GALNT6: variants seen among roughly 807,000 people sequenced by gnomAD.
GALNT6 encodes the protein polypeptide N-acetylgalactosaminyltransferase 6.
GALNT6 carries 51 observed loss-of-function variants against 65.9 expected under a neutral mutation model. The ratio of observed to expected loss-of-function variants is 0.77; its 90% CI spans 0.62 to 0.98. The LOEUF is 0.98. Ranked by LOEUF, GALNT6 falls within the 50% of genes least tolerant of loss-of-function variation. The pLI is 0.00. For missense variants in GALNT6, 708 were observed against 803.3 expected (o/e 0.88, Z 1.43); for synonymous variants, 323 against 315.1 (o/e 1.02, Z -0.26).
Position 51,387,259 on chromosome 12 carries a change from G to A in GALNT6, c.-104+3591C>T, listed in dbSNP as rs772001818. On this transcript the variant is annotated intron_variant, in intron 2 of 11. Transcript: ENST00000356317. This position sits in a 1 kb window ranked among gnomAD's most constrained non-coding sequence, Gnocchi z 4.2. ...ATTACAGGCGCCCGCCACCACGTCC[G>A]GCTAATTTTTGTATTTTTTTAGTAG... Among the ~76,000 whole-genome samples the A allele has an allele frequency of 3.3e-4, 50 of 152,140 alleles. No individual in the cohort carries two copies. Among genetic ancestry groups the A allele is most frequent in the Non-Finnish European group, 6.3e-4 (43 of 68,000 alleles).
In GALNT6 at chr12:51,376,626, T is replaced by A. The variant is rs1430606000; in HGVS notation, c.664+569A>T. On this transcript the variant is annotated intron_variant, in intron 4 of 11. Coordinates refer to ENST00000356317, the MANE Select transcript of GALNT6 (RefSeq NM_007210.4). ...CCAGCCTGGGCAACAAGAGCGAAACTCCATCTCAAAAAAAAAAAAAAAAAA... is the reference window on the plus strand; with the variant it reads ...CCAGCCTGGGCAACAAGAGCGAAACACCATCTCAAAAAAAAAAAAAAAAAA... Among the ~76,000 whole-genome samples the A allele has an allele frequency of 1.0e-4, 9 of 87,350 alleles. No homozygotes were observed. In the Admixed American group the frequency reaches 1.3e-3, roughly 13 times the overall value. The allele number at this position is 87,350 out of a possible 152,430, so 57.3% of individuals were successfully genotyped here. A position where few individuals can be genotyped will look rare whatever the true frequency, so the allele number is the denominator to read the frequency against.
At chr12:51,360,655 G>T in intron 7 of GALNT6, 66 bp downstream of exon 7, 1 of 933,314 alleles carries the variant, frequency 1.1e-6, no homozygotes, top group Non-Finnish European at 1.8e-6. Context: ...ACCTCTGCCT[G>T]AGAGATGTTT....
intron 10 of GALNT6, 55 bp from the exon 11 acceptor site, chr12:51,356,013 C>T (rs1357547818): frequency 4.5e-6 from 7 of 1,562,686 alleles, no homozygotes; most frequent in Non-Finnish European, 6.2e-6. Flanking sequence ...CCTTCCAAAG[C>T]CACCTGCCCT....
chr12:51,367,579 C>A (rs1456911638), intron 4 of GALNT6, among the ~76,000 whole-genome samples: 1 of 152,212 alleles, frequency 6.6e-6, no homozygotes, highest in South Asian at 2.1e-4. Context: ...GAGTTGCCTG[C>A]AGTTTCAGAT....
At chr12:51,366,856 G>A (rs1247528879) in intron 4 of GALNT6, among the ~76,000 whole-genome samples, 3 of 152,208 alleles carry the variant, frequency 2.0e-5, no homozygotes, top group Non-Finnish European at 2.9e-5. Flanking sequence ...GGCTGGGCAC[G>A]GTGGCTCACT....
intron 4 of GALNT6, among the ~76,000 whole-genome samples, chr12:51,368,467 C>T (rs1291795161): frequency 2.0e-5 from 3 of 149,270 alleles, no homozygotes; most frequent in South Asian, 2.1e-4. Flanking sequence ...TGCAGTGGTG[C>T]AATCTCGACT....
intron 2 of GALNT6, among the ~76,000 whole-genome samples, chr12:51,389,861 T>C (rs2137849034): frequency 6.6e-6 from 1 of 152,352 alleles, no homozygotes; most frequent in Admixed American, 6.5e-5. Context: ...TGCCCTGAGT[T>C]CTTCCATGCT....
At chr12:51,389,444 T>G (rs1947948857) in intron 2 of GALNT6, among the ~76,000 whole-genome samples, 1 of 152,210 alleles carries the variant, frequency 6.6e-6, no homozygotes, top group Admixed American at 6.5e-5. Flanking sequence ...AGAGGCAGAA[T>G]TTGCATTCAG....
In GALNT6 at chr12:51,352,374, T is replaced by G. The variant is rs570910546; in HGVS notation, c.*2005A>C. The G allele has an allele frequency of 1.3e-5, 2 of 152,316 alleles. No homozygotes were observed. The highest frequency in any genetic ancestry group is 1.3e-4 in the Admixed American group (2 of 15,294). 9.4% of individuals were successfully genotyped at this position (152,316 alleles called of 1,614,324 possible). On this transcript the variant is annotated 3_prime_UTR_variant, in exon 12 of 12. Coordinates refer to ENST00000356317, the MANE Select transcript of GALNT6 (RefSeq NM_007210.4). ...GCTACTGATACCTTGCTGGGTGACCTTGGACAGATTCACTTACCTGGACTC... is the reference window on the plus strand; with the variant it reads ...GCTACTGATACCTTGCTGGGTGACCGTGGACAGATTCACTTACCTGGACTC...
chr12:51,352,661 TG>T lies in GALNT6; in HGVS notation c.*1717del. ...GTGTGCTCTCTCCACAATGGCTACC[TG>T]GCCCTGTTTTTCCTTTCTTTTTTTT... is the stretch of plus-strand genomic sequence containing the variant. On this transcript the variant is annotated 3_prime_UTR_variant, in exon 12 of 12. Coordinates refer to ENST00000356317, the MANE Select transcript of GALNT6 (RefSeq NM_007210.4). The T allele has an allele frequency of 6.6e-6, 1 of 152,320 alleles. No individual in the cohort carries two copies. The highest frequency in any genetic ancestry group is 2.4e-5 in the African/African-American group (1 of 41,560). 9.4% of individuals were successfully genotyped at this position (152,320 alleles called of 1,614,324 possible).
intron 2 of GALNT6, among the ~76,000 whole-genome samples, chr12:51,380,906 G>T (rs1267727470): frequency 6.6e-6 from 1 of 152,188 alleles, no homozygotes; most frequent in African/African-American, 2.4e-5. Context: ...TCTCAAAGTG[G>T]ATGGCGGCTG....
intron 2 of GALNT6, among the ~76,000 whole-genome samples, chr12:51,385,192 C>T (rs967842826): frequency 5.3e-5 from 8 of 152,054 alleles, no homozygotes; most frequent in Non-Finnish European, 1.0e-4. Flanking sequence ...TCTCACTATG[C>T]TGCCCAGGCT....
intron 2 of GALNT6, among the ~76,000 whole-genome samples, chr12:51,381,238 T>TA (rs1359030421): frequency 6.6e-6 from 1 of 152,150 alleles, no homozygotes; most frequent in African/African-American, 2.4e-5. Flanking sequence ...ATTCTGTCTT[T>TA]AAAAATAAAT....
intron 5 of GALNT6, 49 bp downstream of exon 5, chr12:51,365,381 C>T (rs1345245907): frequency 6.5e-7 from 1 of 1,549,434 alleles, no homozygotes; most frequent in Non-Finnish European, 8.8e-7. Context: ...CTCATTCTAG[C>T]AGGGAGGGAG....
At chr12:51,378,321 A>AT (rs1219969026) in intron 3 of GALNT6, among the ~76,000 whole-genome samples, 1 of 151,952 alleles carries the variant, frequency 6.6e-6, no homozygotes, top group Non-Finnish European at 1.5e-5. Context: ...TGCCGGGCTA[A>AT]TTTTTTTGTA....
chr12:51,367,620 T>C (rs1199864223), intron 4 of GALNT6, among the ~76,000 whole-genome samples: 1 of 152,224 alleles, frequency 6.6e-6, no homozygotes, highest in African/African-American at 2.4e-5. Flanking sequence ...TTGTGTGTCC[T>C]TTTCCTTTTG....
chr12:51,366,399 A>G (rs73309787), intron 4 of GALNT6, among the ~76,000 whole-genome samples: 2,267 of 152,090 alleles, frequency 0.015, 69 homozygotes, highest in East Asian at 0.13. Context: ...ACAAATGGTG[A>G]CTCCTTGCTT....
At chr12:51,388,605 C>T (rs541039778) in intron 2 of GALNT6, among the ~76,000 whole-genome samples, 1 of 152,184 alleles carries the variant, frequency 6.6e-6, no homozygotes, top group Non-Finnish European at 1.5e-5. Flanking sequence ...TTCTCTACTA[C>T]CCGTGCTTTC....
At chr12:51,359,832 G>A in intron 7 of GALNT6, 1 of 152,512 alleles carries the variant, frequency 6.6e-6, no homozygotes. Context: ...AGAGGCTCAT[G>A]GAGGAGCCTA....
Sources: allele counts gnomAD v4.1 joint callset (sites outside exome capture counted in the v4.1 genomes callset), GRCh38; gene constraint gnomAD v4.1.1; non-coding constraint Gnocchi (gnomAD v3.1); transcripts MANE v1.5; gene names NCBI Gene and HGNC (gene_info 2026-07-23, HGNC 2026-07-21).